The following AOX1 variants were observed in gnomAD, a reference collection of about 807,000 sequenced individuals.
The protein encoded by AOX1 is aldehyde oxidase 1.
AOX1 carries 153 observed loss-of-function variants against 169.5 expected under a neutral mutation model. That is an observed-to-expected ratio of 0.90 (90% confidence interval 0.79 to 1.03). AOX1 has a LOEUF of 1.03. AOX1 is among the 50% of genes least tolerant of loss of function. The pLI is 0.00. For missense variants in AOX1, 1,656 were observed against 1,663.9 expected (o/e 1.00, Z 0.08); for synonymous variants, 562 against 581.9 (o/e 0.97, Z 0.49).
intron 18 of AOX1, 82 bp downstream of exon 18, chr2:200,621,328 T>C (rs1195168384): frequency 2.0e-6 from 3 of 1,464,598 alleles, no homozygotes; most frequent in Non-Finnish European, 2.8e-6. Flanking sequence ...ACCATCTACT[T>C]TGGCACACCA....
At chr2:200,636,653 A>C (rs1002591141) in intron 21 of AOX1, among the ~76,000 whole-genome samples, 2 of 152,216 alleles carry the variant, frequency 1.3e-5, no homozygotes, top group Non-Finnish European at 2.9e-5. Flanking sequence ...TGGCAATGTC[A>C]TTATAGCCAA....
chr2:200,595,340 C>T lies in AOX1; in HGVS notation c.172C>T (p.Arg58Ter), dbSNP rs145996657. Reference protein sequence around the residue: ...GCGACTVMISRYNPITKRIRH... With the variant: ...GCGACTVMIS ...TGGTGCTTGTACAGTGATGATATCA[C>T]GATACAACCCCATCACCAAGAGGAT... The change falls in exon 3 of 35, where the codon CGA becomes TGA. Residue 58 changes from arginine (R) to a stop codon, truncating the protein, a stop_gained. Transcript: ENST00000374700. LOFTEE classifies it high-confidence loss of function. The T allele has an allele frequency of 1.1e-5, 18 of 1,612,434 alleles. No homozygotes were observed. Among genetic ancestry groups the T allele is most frequent in the Middle Eastern group, 1.7e-4 (1 of 6,054 alleles).
At position 200,663,572 on chromosome 2, in the gene AOX1, A is replaced by ACACACG. The variant is rs1286010281; in HGVS notation, c.3543+604_3543+605insACACGC. Among the ~76,000 whole-genome samples, 2 of 105,058 alleles carry ACACACG rather than the reference A, an allele frequency of 1.9e-5. 1 individual carries two copies. Among genetic ancestry groups the ACACACG allele is most frequent in the African/African-American group, 7.6e-5 (2 of 26,276 alleles). The allele number at this position is 105,058 out of a possible 152,430, so 68.9% of individuals were successfully genotyped here. On this transcript the variant is annotated intron_variant, in intron 31 of 34. Coordinates refer to ENST00000374700, the MANE Select transcript of AOX1 (RefSeq NM_001159.4). ...CACACACACACACACACACACACAC[A>ACACACG]CTCTCTCTCTCTCTCTCTCTCTCTC...
intron 20 of AOX1, among the ~76,000 whole-genome samples, chr2:200,628,182 C>T (rs1214584771): frequency 6.6e-6 from 1 of 151,892 alleles, no homozygotes; most frequent in African/African-American, 2.4e-5. Context: ...CAATTATACA[C>T]ACACACATAC....
At chr2:200,627,772 A>G (rs551209648) in intron 20 of AOX1, among the ~76,000 whole-genome samples, 3 of 152,276 alleles carry the variant, frequency 2.0e-5, no homozygotes, top group Admixed American at 2.0e-4. Flanking sequence ...TCAATCTTAT[A>G]GGCTGGAAAA....
intron 23 of AOX1, 45 bp from the exon 24 acceptor site, chr2:200,641,053 G>T (rs745540521): frequency 4.8e-6 from 7 of 1,456,372 alleles, no homozygotes; most frequent in East Asian, 4.5e-5. Context: ...AATTTGGAGA[G>T]ACTTGGCCCC....
At chr2:200,663,585 C>CTG (rs1464500477) in intron 31 of AOX1, among the ~76,000 whole-genome samples, 20 of 133,272 alleles carry the variant, frequency 1.5e-4, no homozygotes, top group African/African-American at 5.9e-4. Context: ...CTCTCTCTCT[C>CTG]TCTCTCTCTC....
chr2:200,658,642 A>G (rs1349126068), intron 27 of AOX1, among the ~76,000 whole-genome samples: 1 of 152,260 alleles, frequency 6.6e-6, no homozygotes, highest in Non-Finnish European at 1.5e-5. Context: ...TAAAGCAGCC[A>G]GCTAAGTCCT....
intron 29 of AOX1, among the ~76,000 whole-genome samples, chr2:200,660,969 T>C (rs1412666878): frequency 2.0e-5 from 3 of 152,184 alleles, no homozygotes; most frequent in Admixed American, 6.5e-5. Context: ...CACCATGAGA[T>C]GCAGCCATTC....
chr2:200,618,530 A>G (rs1045230811), intron 16 of AOX1, among the ~76,000 whole-genome samples: 1 of 152,008 alleles, frequency 6.6e-6, no homozygotes, highest in African/African-American at 2.4e-5. Flanking sequence ...TGAAAATAAT[A>G]TGGTTTTTTT....
intron 1 of AOX1, among the ~76,000 whole-genome samples, chr2:200,590,568 A>G (rs1177652626): frequency 1.3e-5 from 2 of 152,066 alleles, no homozygotes; most frequent in Non-Finnish European, 2.9e-5. Context: ...CATCAAAACA[A>G]CAACAACAAC....
chr2:200,650,787 G>A (rs1167899429), intron 25 of AOX1, among the ~76,000 whole-genome samples, 187 bp from the exon 26 acceptor site: 3 of 152,182 alleles, frequency 2.0e-5, no homozygotes, highest in East Asian at 1.9e-4. Flanking sequence ...TTGCTAGCAC[G>A]TTTGATAGAA....
At chr2:200,594,702 G>A (rs1166907867) in intron 2 of AOX1, among the ~76,000 whole-genome samples, 2 of 152,170 alleles carry the variant, frequency 1.3e-5, no homozygotes, top group African/African-American at 4.8e-5. Context: ...ACCCCACCTA[G>A]CTGCAGAGGA....
At chr2:200,626,360 T>C (rs1286097827) in intron 19 of AOX1, among the ~76,000 whole-genome samples, 5 of 152,192 alleles carry the variant, frequency 3.3e-5, no homozygotes, top group Non-Finnish European at 5.9e-5. Flanking sequence ...CACCTACTGG[T>C]GGCCAGAAGG....
At position 200,634,696 on chromosome 2, in the gene AOX1, A is replaced by G. The variant is rs1021884872; in HGVS notation, c.2222-95A>G. 2.1e-5 allele frequency: 30 copies of G among 1,459,526 alleles called. No individual in the cohort carries two copies. The African/African-American group carries it at 3.5e-4, about 17-fold the overall frequency. 90.4% of individuals were successfully genotyped at this position (1,459,526 alleles called of 1,614,324 possible). A position where few individuals can be genotyped will look rare whatever the true frequency, so the allele number is the denominator to read the frequency against. ...CTTCACTGTGCCCAGCAGAAGTACT[A>G]TTAGTGGAATTTCTGCATAACGGGA... On this transcript the variant is annotated intron_variant, in intron 20 of 34. Coordinates refer to ENST00000374700, the MANE Select transcript of AOX1 (RefSeq NM_001159.4).
intron 27 of AOX1, among the ~76,000 whole-genome samples, chr2:200,657,161 C>CAAAAAAAAAAAA (rs67071824): frequency 3.1e-4 from 26 of 82,992 alleles, no homozygotes; most frequent in Admixed American, 2.1e-3. Flanking sequence ...CCATCTCTAC[C>CAAAAAAAAAAAA]AAAAATATAT....
At chr2:200,664,268 G>T (rs1574963782) in intron 31 of AOX1, among the ~76,000 whole-genome samples, 1 of 152,174 alleles carries the variant, frequency 6.6e-6, no homozygotes, top group African/African-American at 2.4e-5. Context: ...GGGATTACAG[G>T]CTGCGCCACC....
chr2:200,650,316 C>T (rs1240457552), intron 25 of AOX1, among the ~76,000 whole-genome samples: 2 of 152,104 alleles, frequency 1.3e-5, no homozygotes, highest in Non-Finnish European at 2.9e-5. Context: ...TAATTTGCTT[C>T]GGAGGGTGGG....
At position 200,659,391 on chromosome 2, in the gene AOX1, A is replaced by G. The variant is rs58972760; in HGVS notation, c.3300+98A>G. On this transcript the variant is annotated intron_variant, in intron 28 of 34. Transcript: ENST00000374700. Reference sequence around the variant, plus strand: ...AAGATGCTGAGAGTTAATCCAACTCATATCTCCTTCCCCATCTTGCCCTCA... The same window carrying G: ...AAGATGCTGAGAGTTAATCCAACTCGTATCTCCTTCCCCATCTTGCCCTCA... The G allele has an allele frequency of 2.7e-3, 3,589 of 1,350,254 alleles. 64 individuals are homozygous for G. In the African/African-American group the frequency reaches 0.047, roughly 18 times the overall value. 83.6% of individuals were successfully genotyped at this position (1,350,254 alleles called of 1,614,324 possible).
Sources: gnomAD v4.1 joint callset for allele counts (sites outside exome capture counted in the v4.1 genomes callset) on GRCh38, gnomAD v4.1.1 for gene constraint, MANE v1.5 for transcripts, NCBI Gene and HGNC (gene_info 2026-07-23, HGNC 2026-07-21) for gene names.